The following RYR3 variants were observed in gnomAD, a reference collection of about 807,000 sequenced individuals.
RYR3 encodes the protein brain ryanodine receptor-calcium release channel.
Under a neutral mutation model 584.3 loss-of-function variants are expected in RYR3, and 207 were observed. The ratio of observed to expected loss-of-function variants is 0.35; its 90% CI spans 0.32 to 0.40. RYR3 has a LOEUF of 0.40. Among genes scored for constraint, RYR3 ranks in the 10% least tolerant of loss-of-function variants. The pLI is 1.00. For missense variants in RYR3, 5,616 were observed against 6,089.2 expected (o/e 0.92, Z 2.59); for synonymous variants, 2,416 against 2,248.5 (o/e 1.07, Z -2.11).
chr15:33,862,424 C>A (rs914132110), intron 102 of RYR3, among the ~76,000 whole-genome samples: 1 of 151,672 alleles, frequency 6.6e-6, no homozygotes, highest in Admixed American at 6.6e-5. Context: ...CCAGGCTGAT[C>A]TCGAACTCCT....
chr15:33,738,868 T>C (rs566042824), intron 50 of RYR3, among the ~76,000 whole-genome samples: 2 of 152,332 alleles, frequency 1.3e-5, no homozygotes, highest in Admixed American at 1.3e-4. Context: ...ACACAGATCA[T>C]CTGATGTCAG....
At chr15:33,515,957 A>G (rs1389460196) in intron 3 of RYR3, among the ~76,000 whole-genome samples, 5 of 152,214 alleles carry the variant, frequency 3.3e-5, no homozygotes, top group Non-Finnish European at 7.3e-5. Flanking sequence ...CTTTCCAAAC[A>G]TATATCCCTG....
At chr15:33,359,943 T>C (rs1974532708) in intron 1 of RYR3, among the ~76,000 whole-genome samples, 1 of 152,042 alleles carries the variant, frequency 6.6e-6, no homozygotes, top group Admixed American at 6.5e-5. Flanking sequence ...ATTTAAATAG[T>C]GCCTATGATA....
chr15:33,726,431 C>T lies in RYR3; in HGVS notation c.6958C>T (p.Leu2320=), dbSNP rs758576038. 1.9e-6 allele frequency: 3 copies of T among 1,611,954 alleles called. No individual in the cohort carries two copies. The highest frequency in any genetic ancestry group is 3.3e-5 in the Admixed American group (2 of 59,796). ...GGAAGCCATCCGCATCAGGTCCATC[C>T]TGCGCTCCCTGGTCCCCACAGAAGA... is the stretch of plus-strand genomic sequence containing the variant. ...KGEAIRIRSI[L]RSLVPTEDLV... Residue 2320 remains leucine, a synonymous_variant, in exon 46 of 104, where the codon CTG becomes TTG. Coordinates refer to ENST00000634891, the MANE Select transcript of RYR3 (RefSeq NM_001036.6).
At chr15:33,836,195 T>TA (rs2078038934) in intron 87 of RYR3, among the ~76,000 whole-genome samples, 1 of 150,692 alleles carries the variant, frequency 6.6e-6, no homozygotes, top group Admixed American at 6.6e-5. Context: ...TTTCCTTTTT[T>TA]TTGTGAGGGG....
At chr15:33,729,466 T>C (rs2068756961) in intron 47 of RYR3, among the ~76,000 whole-genome samples, 1 of 152,292 alleles carries the variant, frequency 6.6e-6, no homozygotes, top group Non-Finnish European at 1.5e-5. Flanking sequence ...AAAGGCTGGC[T>C]GGCAACATTA....
chr15:33,565,101 A>G (rs1208900065), intron 11 of RYR3, among the ~76,000 whole-genome samples: 5 of 81,558 alleles, frequency 6.1e-5, no homozygotes, highest in Admixed American at 1.5e-4. Context: ...TTTCTCGCAG[A>G]GAAGGAAGGA....
intron 91 of RYR3, among the ~76,000 whole-genome samples, chr15:33,842,784 C>T (rs141410576): frequency 5.3e-5 from 8 of 152,316 alleles, no homozygotes; most frequent in Admixed American, 2.0e-4. Flanking sequence ...CTTCTGCGAG[C>T]CTAGACCACT....
chr15:33,515,442 GTC>G (rs2053425888), intron 3 of RYR3, among the ~76,000 whole-genome samples: 1 of 152,230 alleles, frequency 6.6e-6, no homozygotes, highest in South Asian at 2.1e-4. Flanking sequence ...TTGTAGGTCT[GTC>G]TGCAGCCTTC....
At chr15:33,489,667 T>G (rs151243210) in intron 2 of RYR3, among the ~76,000 whole-genome samples, 110 of 152,352 alleles carry the variant, frequency 7.2e-4, no homozygotes, top group African/African-American at 2.6e-3. Context: ...ACAATGAATA[T>G]TCATGTGGAA....
chr15:33,598,709 T>C (rs1184580264), intron 16 of RYR3, among the ~76,000 whole-genome samples: 2 of 150,618 alleles, frequency 1.3e-5, no homozygotes, highest in Admixed American at 6.6e-5. Flanking sequence ...TCCATCATCA[T>C]GGAAGCAGGA....
At chr15:33,708,654 A>G (rs1234796330) in intron 43 of RYR3, among the ~76,000 whole-genome samples, 4 of 152,240 alleles carry the variant, frequency 2.6e-5, no homozygotes, top group African/African-American at 9.6e-5. Context: ...GTTTGTCTCT[A>G]TAATAGTGTT....
chr15:33,781,377 C>A (rs1337294594), intron 65 of RYR3, among the ~76,000 whole-genome samples: 1 of 152,184 alleles, frequency 6.6e-6, no homozygotes, highest in Non-Finnish European at 1.5e-5. Context: ...TTTTTCTATT[C>A]AGAACCAATG....
At chr15:33,405,154 A>C (rs1310535222) in intron 1 of RYR3, among the ~76,000 whole-genome samples, 1 of 152,246 alleles carries the variant, frequency 6.6e-6, no homozygotes, top group Non-Finnish European at 1.5e-5. Flanking sequence ...TCAAACATAT[A>C]AAACTTTGGT....
chr15:33,539,690 C>A (rs2055648354), intron 6 of RYR3, among the ~76,000 whole-genome samples: 1 of 152,028 alleles, frequency 6.6e-6, no homozygotes, highest in South Asian at 2.1e-4. Flanking sequence ...TAAGAAGTAG[C>A]CTACTTTTGA....
Position 33,723,022 on chromosome 15 carries a change from A to AC in RYR3, c.6800+130dup, listed in dbSNP as rs1393107717. ...CTTAACAGTTACAGCTAAAACATTG[A>AC]CCCTTCATCGAGAACAGTGTTGTCT... On this transcript the variant is annotated intron_variant, in intron 44 of 103. Transcript: ENST00000634891. 1.4e-5 allele frequency: 12 copies of AC among 832,796 alleles called. No homozygotes were observed. In the African/African-American group the frequency reaches 1.9e-4, roughly 13 times the overall value. The allele number at this position is 832,796 out of a possible 1,614,324, so 51.6% of individuals were successfully genotyped here.
chr15:33,678,285 G>C (rs7169826), intron 38 of RYR3, among the ~76,000 whole-genome samples: 85,944 of 152,030 alleles, frequency 0.57, 24,621 homozygotes, highest in Non-Finnish European at 0.62. Flanking sequence ...CTGAATCATG[G>C]GGGGGAGACT....
intron 30 of RYR3, among the ~76,000 whole-genome samples, chr15:33,647,862 G>A (rs1392437773): frequency 6.6e-6 from 1 of 152,016 alleles, no homozygotes; most frequent in East Asian, 1.9e-4. Context: ...GATGTTAAAA[G>A]CAATCAAATG....
intron 3 of RYR3, among the ~76,000 whole-genome samples, chr15:33,520,223 A>G (rs535711976): frequency 3.9e-5 from 6 of 152,342 alleles, no homozygotes; most frequent in African/African-American, 1.4e-4. Flanking sequence ...ACTTACTCCT[A>G]TTTTGTTATC....
Sources: gnomAD v4.1 joint callset for allele counts (sites outside exome capture counted in the v4.1 genomes callset) on GRCh38, gnomAD v4.1.1 for gene constraint, MANE v1.5 for transcripts, NCBI Gene and HGNC (gene_info 2026-07-23, HGNC 2026-07-21) for gene names.